MACC1: variants seen among roughly 807,000 people sequenced by gnomAD.
MACC1 encodes metastasis-associated in colon cancer protein 1.
MACC1 carries 79 observed loss-of-function variants against 70.7 expected under a neutral mutation model. That is an observed-to-expected ratio of 1.12 (90% CI 0.93 to 1.35). The LOEUF is 1.35. MACC1 is among the 40% of genes most tolerant of loss of function. MACC1 has a pLI of 0.00. For synonymous variants in MACC1, 361 were observed against 347.2 expected (o/e 1.04, Z -0.44); for missense variants, 1,106 against 978.1 (o/e 1.13, Z -1.74).
At chr7:20,172,538 G>T (rs56203623) in intron 1 of MACC1, among the ~76,000 whole-genome samples, 1 of 151,986 alleles carries the variant, frequency 6.6e-6, no homozygotes, top group African/African-American at 2.4e-5. Context: ...ATATAGGAAT[G>T]ACTTTAATTT....
chr7:20,171,440 G>C (rs183237344), intron 1 of MACC1, among the ~76,000 whole-genome samples: 130 of 150,818 alleles, frequency 8.6e-4, no homozygotes, highest in African/African-American at 2.2e-3. Flanking sequence ...ATTTTTAGTA[G>C]AGACGGAATT....
At chr7:20,214,917 C>T (rs907657129) in intron 1 of MACC1, among the ~76,000 whole-genome samples, 5 of 152,148 alleles carry the variant, frequency 3.3e-5, no homozygotes, top group African/African-American at 9.7e-5. Context: ...CAACTCTGCA[C>T]ATTTTTCCAG....
At chr7:20,207,670 G>T (rs1448856419) in intron 1 of MACC1, among the ~76,000 whole-genome samples, 2 of 151,930 alleles carry the variant, frequency 1.3e-5, no homozygotes, top group East Asian at 1.9e-4. Flanking sequence ...ATCAATAAAC[G>T]AATGTTTAAA....
intron 1 of MACC1, among the ~76,000 whole-genome samples, chr7:20,180,868 T>A (rs971699927): frequency 6.6e-6 from 1 of 151,998 alleles, no homozygotes; most frequent in African/African-American, 2.4e-5. Flanking sequence ...ATAATAATAA[T>A]AATTCCAAAG....
chr7:20,192,950 C>CA (rs1479761221), intron 1 of MACC1, among the ~76,000 whole-genome samples: 2 of 152,200 alleles, frequency 1.3e-5, no homozygotes, highest in Non-Finnish European at 2.9e-5. Flanking sequence ...TATGGCTCCT[C>CA]ACTGTGATGA....
At chr7:20,186,755 T>C (rs1170090330) in intron 1 of MACC1, among the ~76,000 whole-genome samples, 1 of 152,152 alleles carries the variant, frequency 6.6e-6, no homozygotes, top group Non-Finnish European at 1.5e-5. Flanking sequence ...TGTTAATCTC[T>C]ACACAATTTT....
chr7:20,171,967 C>G (rs1782314999), intron 1 of MACC1, among the ~76,000 whole-genome samples: 1 of 152,106 alleles, frequency 6.6e-6, no homozygotes, highest in Non-Finnish European at 1.5e-5. Context: ...AGGAAACCAA[C>G]TGAGGAGACT....
Position 20,160,109 on chromosome 7 carries a change from T to C in MACC1, c.252A>G (p.Leu84=). The C allele has an allele frequency of 1.2e-6, 2 of 1,613,210 alleles. No individual in the cohort carries two copies. The highest frequency in any genetic ancestry group is 2.2e-5 in the South Asian group (2 of 90,742). Residue 84 remains leucine, a synonymous_variant, in exon 5 of 7, where the codon CTA becomes CTG. Transcript: ENST00000400331. ...SNPFLDDITQ[L]RNNRKRNNIS... ...TATTATTTCTCTTCCTGTTATTTCTTAGTTGAGTTATGTCATCCAAAAATG... is the reference window on the plus strand; with the variant it reads ...TATTATTTCTCTTCCTGTTATTTCTCAGTTGAGTTATGTCATCCAAAAATG...
rs1562578229 is a variant in MACC1, at chr7:20,140,854, GACACACAGAGACACACAC to G, written c.*74_*91del. 2,701 of 819,940 alleles carry G rather than the reference GACACACAGAGACACACAC, an allele frequency of 3.3e-3. 52 individuals carry two copies. In the African/African-American group the frequency reaches 0.051, roughly 15 times the overall value. 50.8% of individuals were successfully genotyped at this position (819,940 alleles called of 1,614,324 possible). ...ACACACACACAGACACACACACACAGACACACAGAGACACACACAGACACACACAGACACACACACACA... is the reference window on the plus strand; with the variant it reads ...ACACACACACAGACACACACACACAGAGACACACACAGACACACACACACA... On this transcript the variant is annotated 3_prime_UTR_variant, in exon 7 of 7. Coordinates refer to ENST00000400331, the MANE Select transcript of MACC1 (RefSeq NM_182762.4).
chr7:20,157,530 T>C (rs1451991167), intron 5 of MACC1, among the ~76,000 whole-genome samples: 3 of 151,408 alleles, frequency 2.0e-5, no homozygotes, highest in Admixed American at 1.3e-4. Context: ...ATGGCTGTAA[T>C]TTCAGCACTT....
intron 2 of MACC1, among the ~76,000 whole-genome samples, chr7:20,166,027 T>C (rs1169442486): frequency 1.3e-5 from 2 of 152,190 alleles, no homozygotes; most frequent in Non-Finnish European, 2.9e-5. Context: ...AAGAAAACAA[T>C]ACACTTAAAA....
chr7:20,158,182 A>G, intron 5 of MACC1, 22 bp downstream of exon 5: 1 of 1,532,242 alleles, frequency 6.5e-7, no homozygotes, highest in Non-Finnish European at 8.7e-7. Context: ...GCAATTCATT[A>G]CCATGATCAA....
At chr7:20,178,263 A>T (rs942353211) in intron 1 of MACC1, among the ~76,000 whole-genome samples, 12 of 1,684 alleles carry the variant, frequency 7.1e-3, no homozygotes, top group East Asian at 0.056. Flanking sequence ...ATCTTATTTC[A>T]CACACACACA....
At chr7:20,212,904 G>A (rs1026598441) in intron 1 of MACC1, among the ~76,000 whole-genome samples, 2 of 152,068 alleles carry the variant, frequency 1.3e-5, no homozygotes, top group African/African-American at 2.4e-5. Flanking sequence ...GAATACTAGC[G>A]GGAGTGGCTG....
chr7:20,189,660 AC>A (rs1782642635), intron 1 of MACC1, among the ~76,000 whole-genome samples: 2 of 152,140 alleles, frequency 1.3e-5, no homozygotes, highest in South Asian at 4.1e-4. Flanking sequence ...CTTAAATTCC[AC>A]CATCTCTTAG....
At position 20,141,102 on chromosome 7, in the gene MACC1, A is replaced by G. The variant is rs1396244622; in HGVS notation, c.2403T>C (p.Asn801=). The G allele has an allele frequency of 1.9e-6, 3 of 1,612,982 alleles. No individual in the cohort carries two copies. The South Asian group carries it at 3.3e-5, about 18-fold the overall frequency. Residue 801 remains asparagine, a synonymous_variant, in exon 7 of 7, where the codon AAT becomes AAC. Coordinates refer to ENST00000400331, the MANE Select transcript of MACC1 (RefSeq NM_182762.4). ...GGTCTTGTAACACATCTCTGTAGTT[A>G]TTTCCATAGTGAGCACTCCAGGTAT... ...FLYTWSAHYG[N]NYRDVLQDLQ... is the part of the protein sequence containing the mutation.
Position 20,154,319 on chromosome 7 carries a change from C to G in MACC1, c.2220G>C (p.Leu740=). 1 of 1,613,954 alleles carries G rather than the reference C, an allele frequency of 6.2e-7. No individual in the cohort carries two copies. The highest frequency in any genetic ancestry group is 1.3e-5 in the African/African-American group (1 of 75,026). ...VARLIQEAAV[L]TSAVKLGKGW... ...CTTTTCCAAGCTTGACAGCTGAAGT[C>G]AGAACAGCAGCTTCTTGGATGAGAC... The change falls in exon 6 of 7, where the codon CTG becomes CTC. Residue 740 remains leucine (L), a synonymous_variant. Transcript: ENST00000400331.
At chr7:20,188,071 G>A (rs1782616380) in intron 1 of MACC1, among the ~76,000 whole-genome samples, 2 of 152,124 alleles carry the variant, frequency 1.3e-5, no homozygotes, top group Non-Finnish European at 2.9e-5. Context: ...GAGCAAAAAG[G>A]GGGAAAGCCC....
Position 20,154,288 on chromosome 7 carries a change from T to C in MACC1, c.2251A>G (p.Arg751Gly). Residue 751 changes from arginine (R) to glycine (G), a missense_variant, in exon 6 of 7, where the codon AGG (arginine) becomes GGG (glycine). Arg to Gly is a moderately radical substitution (Grantham distance 125). Coordinates refer to ENST00000400331, the MANE Select transcript of MACC1 (RefSeq NM_182762.4). ...CGTACTAACTTTTCAGCTAGTTCCC[T>C]CCAGCCTTTTCCAAGCTTGACAGCT... ...TSAVKLGKGW[R>G]ELAEKLVRLT... 1 of 1,613,962 alleles carries C rather than the reference T, an allele frequency of 6.2e-7. No homozygotes were observed. The highest frequency in any genetic ancestry group is 1.7e-5 in the Admixed American group (1 of 59,974).
Sources: gnomAD v4.1 joint callset for allele counts (sites outside exome capture counted in the v4.1 genomes callset) on GRCh38, gnomAD v4.1.1 for gene constraint, MANE v1.5 for transcripts, NCBI Gene and HGNC (gene_info 2026-07-23, HGNC 2026-07-21) for gene names.